FLRT1: variants seen among roughly 807,000 people sequenced by gnomAD.
FLRT1 encodes the protein leucine-rich repeat transmembrane protein FLRT1.
Under a neutral mutation model 30.9 loss-of-function variants are expected in FLRT1, and 14 were observed. The ratio of observed to expected loss-of-function variants is 0.45; its 90% CI spans 0.30 to 0.71. The LOEUF (loss-of-function observed/expected upper bound fraction) is 0.71. FLRT1 is among the 30% of genes least tolerant of loss of function. The probability of loss-of-function intolerance (pLI) is 0.08; values close to 1 mark genes in which losing one functional copy is unlikely to be tolerated. For synonymous variants in FLRT1, 368 were observed against 430.4 expected (o/e 0.85, Z 1.80); for missense variants, 737 against 949.2 (o/e 0.78, Z 2.94).
chr11:64,114,529 G>A (rs1328058963), intron 2 of FLRT1, among the ~76,000 whole-genome samples: 1 of 130,748 alleles, frequency 7.6e-6, no homozygotes, highest in Non-Finnish European at 1.7e-5. Context: ...GGATGGACAG[G>A]TGGATGTATG....
At chr11:64,088,397 C>T (rs535955324) in intron 1 of FLRT1, among the ~76,000 whole-genome samples, 1 of 152,296 alleles carries the variant, frequency 6.6e-6, no homozygotes, top group East Asian at 1.9e-4. Flanking sequence ...GGGGTCCTCA[C>T]CTGTGGAAGG....
intron 1 of FLRT1, among the ~76,000 whole-genome samples, chr11:64,087,381 T>C (rs1487702132): frequency 6.6e-6 from 1 of 152,154 alleles, no homozygotes; most frequent in African/African-American, 2.4e-5. Flanking sequence ...GCTGTAGCCC[T>C]GACCACAGGC....
intron 1 of FLRT1, among the ~76,000 whole-genome samples, chr11:64,068,541 C>G (rs972992428): frequency 6.6e-6 from 1 of 152,260 alleles, no homozygotes; most frequent in African/African-American, 2.4e-5. Flanking sequence ...CACATATTTA[C>G]TGCCGATTAC....
intron 1 of FLRT1, among the ~76,000 whole-genome samples, chr11:64,074,873 A>G (rs915190108): frequency 6.6e-6 from 1 of 152,148 alleles, no homozygotes; most frequent in African/African-American, 2.4e-5. Context: ...CAGGATCCTG[A>G]ACATGCCCCT....
chr11:64,074,522 A>G (rs1195590400), intron 1 of FLRT1, among the ~76,000 whole-genome samples: 1 of 152,202 alleles, frequency 6.6e-6, no homozygotes, highest in African/African-American at 2.4e-5. Flanking sequence ...TTTCTGGCCT[A>G]AGGTCACGCA....
intron 1 of FLRT1, among the ~76,000 whole-genome samples, chr11:64,079,552 G>A (rs878979027): frequency 4.6e-5 from 7 of 152,176 alleles, no homozygotes; most frequent in East Asian, 1.9e-4. Flanking sequence ...GAGAGAGACC[G>A]CAGCCGCCAC....
rs994072095 is a variant in FLRT1 at position 64,067,651 on chromosome 11, C to A, written c.-1038+31492C>A. 6.6e-6 allele frequency among the ~76,000 whole-genome samples: 1 copy of A among 152,192 alleles called. No individual in the cohort carries two copies. The highest frequency in any genetic ancestry group is 6.5e-5 in the Admixed American group (1 of 15,288). On this transcript the variant is annotated intron_variant, in intron 1 of 2. Coordinates refer to ENST00000682287, the MANE Select transcript of FLRT1 (RefSeq NM_013280.5). This position sits in a 1 kb window ranked among gnomAD's most constrained non-coding sequence, Gnocchi z 4.6. ...GCCTCCGGTGCACACACAGGGTCCC[C>A]AAGCAGGCAGCTGGAGGGCTGGGGT...
At chr11:64,063,092 G>GTGGAAACTT (rs1228221520) in intron 1 of FLRT1, among the ~76,000 whole-genome samples, 1 of 152,190 alleles carries the variant, frequency 6.6e-6, no homozygotes, top group Non-Finnish European at 1.5e-5. Context: ...CTCCATATGA[G>GTGGAAACTT]TGGAAACTTC....
intron 1 of FLRT1, among the ~76,000 whole-genome samples, chr11:64,084,843 G>A (rs183840058): frequency 3.3e-5 from 5 of 152,308 alleles, no homozygotes; most frequent in African/African-American, 9.6e-5. Context: ...GCCCCGGCCC[G>A]GGAGGGGCGC....
chr11:64,105,964 G>A (rs528314302), intron 2 of FLRT1, among the ~76,000 whole-genome samples: 8 of 113,418 alleles, frequency 7.1e-5, no homozygotes, highest in African/African-American at 2.7e-4. Flanking sequence ...ATCCGTGAGT[G>A]TATCTGTGGG....
chr11:64,069,706 G>A (rs112657612), intron 1 of FLRT1, among the ~76,000 whole-genome samples: 25 of 152,306 alleles, frequency 1.6e-4, no homozygotes, highest in African/African-American at 5.8e-4. Context: ...AGGCGGTGGT[G>A]GGGCTGGTGA....
chr11:64,083,524 C>T (rs536571543), intron 1 of FLRT1, among the ~76,000 whole-genome samples: 19 of 152,314 alleles, frequency 1.2e-4, no homozygotes, highest in African/African-American at 4.6e-4. Flanking sequence ...TTTTCCATCC[C>T]GTCTCCCTCC....
rs899846411 is a variant in FLRT1, at chr11:64,041,334, GC to G, written c.-1038+5181del. Reference sequence around the variant, plus strand: ...TTGCTCTTCTTGAACCATTCCTGCTGCCCCCCACCCCTCCACCCCCCGTGAC... The same window carrying G: ...TTGCTCTTCTTGAACCATTCCTGCTGCCCCCACCCCTCCACCCCCCGTGAC... On this transcript the variant is annotated intron_variant, in intron 1 of 2. Coordinates refer to ENST00000682287, the MANE Select transcript of FLRT1 (RefSeq NM_013280.5). Among the ~76,000 whole-genome samples, 185 of 150,714 alleles carry G rather than the reference GC, an allele frequency of 1.2e-3. 1 individual carries two copies. Among genetic ancestry groups the G allele is most frequent in the African/African-American group, 4.4e-3 (179 of 40,912 alleles).
rs1295310478 is a variant in FLRT1 at position 64,082,581 on chromosome 11, G to A, written c.-1037-20613G>A. Reference sequence around the variant, plus strand: ...GCGGAAGTAGGGTTCAGATTCAGGTGAAGCTTAGGGGTCCCTGGGCTGAAG... The same window carrying A: ...GCGGAAGTAGGGTTCAGATTCAGGTAAAGCTTAGGGGTCCCTGGGCTGAAG... On this transcript the variant is annotated intron_variant, in intron 1 of 2. Transcript: ENST00000682287. This position sits in a 1 kb window ranked among gnomAD's most constrained non-coding sequence, Gnocchi z 4.5. Among the ~76,000 whole-genome samples the A allele has an allele frequency of 6.6e-6, 1 of 152,122 alleles. No individual in the cohort carries two copies. Among genetic ancestry groups the A allele is most frequent in the Non-Finnish European group, 1.5e-5 (1 of 68,006 alleles).
At chr11:64,071,100 G>T (rs1483629036) in intron 1 of FLRT1, among the ~76,000 whole-genome samples, 1 of 152,048 alleles carries the variant, frequency 6.6e-6, no homozygotes, top group Non-Finnish European at 1.5e-5. Context: ...CCTCCACCTG[G>T]GGTGGCTTTT....
At chr11:64,107,438 A>G (rs1483928750) in intron 2 of FLRT1, among the ~76,000 whole-genome samples, 2 of 152,270 alleles carry the variant, frequency 1.3e-5, no homozygotes, top group East Asian at 3.9e-4. Context: ...TTTTTTTAAA[A>G]GCGATTTACA....
intron 1 of FLRT1, among the ~76,000 whole-genome samples, chr11:64,054,136 T>C (rs1459006013): frequency 6.6e-6 from 1 of 152,136 alleles, no homozygotes; most frequent in African/African-American, 2.4e-5. Context: ...GGCAGGAGCC[T>C]GGAGCCCCAC....
intron 1 of FLRT1, among the ~76,000 whole-genome samples, chr11:64,100,295 TC>T (rs1323555102): frequency 6.6e-6 from 1 of 152,198 alleles, no homozygotes. Context: ...TGGCTTTCTT[TC>T]CCTCCTTTCA....
rs201072770 is a variant in FLRT1 at position 64,110,555 on chromosome 11, AGCCAAGAATAAT to A, written c.-49-5648_-49-5637del. ...GTTGGCAGGGGACAACGACTGATAG[AGCCAAGAATAAT>A]GCCAAGAATAATGCCCCAGGGCCCC... On this transcript the variant is annotated intron_variant, in intron 2 of 2. Coordinates refer to ENST00000682287, the MANE Select transcript of FLRT1 (RefSeq NM_013280.5). Among the ~76,000 whole-genome samples the A allele has an allele frequency of 3.6e-3, 543 of 152,182 alleles. 7 individuals are homozygous for A. In the Middle Eastern group the frequency reaches 0.048, roughly 13 times the overall value.
Sources: gnomAD v4.1 joint callset for allele counts (sites outside exome capture counted in the v4.1 genomes callset) on GRCh38, gnomAD v4.1.1 for gene constraint, Gnocchi (gnomAD v3.1) non-coding constraint, MANE v1.5 for transcripts, NCBI Gene and HGNC (gene_info 2026-07-23, HGNC 2026-07-21) for gene names.